Variants in CNTNAP3B observed in about 807,000 individuals in gnomAD.
CNTNAP3B encodes the protein contactin associated protein family member 3B, also known as contactin-associated protein-like 3B.
A neutral mutation model predicts 108.9 loss-of-function variants in CNTNAP3B; 25 were observed. The observed-to-expected ratio is 0.23, with a 90% CI of 0.17 to 0.32. CNTNAP3B has a LOEUF of 0.32. Ranked by LOEUF, CNTNAP3B falls within the 10% of genes least tolerant of loss-of-function variation. The pLI, the probability that CNTNAP3B is intolerant of heterozygous loss-of-function variation, is 1.00. For synonymous variants in CNTNAP3B, 103 were observed against 473.4 expected (o/e 0.22, Z 10.16); for missense variants, 252 against 1,210.4 (o/e 0.21, Z 11.75).
At chr9:41,951,950 G>A (rs1441793516) in intron 13 of CNTNAP3B, among the ~76,000 whole-genome samples, 3 of 152,246 alleles carry the variant, frequency 2.0e-5, no homozygotes, top group African/African-American at 7.2e-5. Context: ...GGCGGCACCC[G>A]CCTGTATTCT....
chr9:42,020,417 C>T (rs1264519503), intron 3 of CNTNAP3B, among the ~76,000 whole-genome samples: 3 of 151,394 alleles, frequency 2.0e-5, no homozygotes, highest in Non-Finnish European at 2.9e-5. Flanking sequence ...TGTCATTTGA[C>T]TTGGATCTGG....
At chr9:42,058,195 G>T (rs1827113358) in intron 3 of CNTNAP3B, among the ~76,000 whole-genome samples, 1 of 150,626 alleles carries the variant, frequency 6.6e-6, no homozygotes, top group African/African-American at 2.5e-5. Context: ...ATATCTAAAA[G>T]ACATACTGAT....
intron 15 of CNTNAP3B, among the ~76,000 whole-genome samples, chr9:41,926,931 C>T (rs1185131181): frequency 6.6e-6 from 1 of 152,306 alleles, no homozygotes; most frequent in Admixed American, 6.5e-5. Context: ...ACCTAGAAAC[C>T]AGTGTTTGAT....
intron 13 of CNTNAP3B, among the ~76,000 whole-genome samples, chr9:41,948,387 T>C (rs973448322): frequency 6.6e-6 from 1 of 152,216 alleles, no homozygotes; most frequent in African/African-American, 2.4e-5. Flanking sequence ...CTGCCGGGCC[T>C]TACTGGAGAA....
chr9:41,945,664 T>C (rs1244072450), intron 13 of CNTNAP3B, among the ~76,000 whole-genome samples: 1 of 152,300 alleles, frequency 6.6e-6, no homozygotes, highest in Non-Finnish European at 1.5e-5. Context: ...ATAGCTAATG[T>C]AAATGATGAG....
rs1313400081 is a variant in CNTNAP3B at position 42,110,522 on chromosome 9, T to G, written c.86-5783A>C. 2.6e-5 allele frequency among the ~76,000 whole-genome samples: 3 copies of G among 117,102 alleles called. 1 individual carries two copies. The highest frequency in any genetic ancestry group is 1.0e-4 in the African/African-American group (3 of 29,614). The allele number at this position is 117,102 out of a possible 152,430, so 76.8% of individuals were successfully genotyped here. A position where few individuals can be genotyped will look rare whatever the true frequency, so the allele number is the denominator to read the frequency against. On this transcript the variant is annotated intron_variant, in intron 1 of 23. Transcript: ENST00000377561. ...TGTTATCACAGATGTACAGAAAACC[T>G]CTTTGTTCTAAAAAAAAAAAAAAGA...
At position 41,924,998 on chromosome 9, in the gene CNTNAP3B, C is replaced by G. The variant is rs1256061622; in HGVS notation, c.2366-905G>C. On this transcript the variant is annotated intron_variant, in intron 15 of 23. Coordinates refer to ENST00000377561, the MANE Select transcript of CNTNAP3B (RefSeq NM_001201380.3). ...GGCTGCTGTGTTCTCCTCAGTGTGT[C>G]GCAGCAGCAGGCAGCAATGCTGATA... is the stretch of plus-strand genomic sequence containing the variant. Among the ~76,000 whole-genome samples the G allele has an allele frequency of 2.0e-5, 3 of 151,660 alleles. No homozygotes were observed. The South Asian group carries it at 6.2e-4, about 32-fold the overall frequency.
intron 10 of CNTNAP3B, among the ~76,000 whole-genome samples, chr9:41,967,820 G>A (rs1162348688): frequency 2.6e-5 from 4 of 152,266 alleles, no homozygotes; most frequent in Admixed American, 6.5e-5. Context: ...GCCTTTATTT[G>A]TAGCCCTATT....
intron 3 of CNTNAP3B, among the ~76,000 whole-genome samples, chr9:42,051,940 C>T (rs1224911772): frequency 6.6e-6 from 1 of 151,956 alleles, no homozygotes; most frequent in Non-Finnish European, 1.5e-5. Context: ...ACTCTTTCAA[C>T]TGCGTAATTT....
intron 13 of CNTNAP3B, among the ~76,000 whole-genome samples, 158 bp from the exon 14 acceptor site, chr9:41,938,558 G>A (rs552303633): frequency 6.1e-4 from 93 of 152,330 alleles, no homozygotes; most frequent in African/African-American, 1.4e-3. Flanking sequence ...CCTCTGAAAC[G>A]TTTCTTTAAG....
At chr9:42,030,813 GGAGAGAGAGAGA>G (rs71274672) in intron 3 of CNTNAP3B, among the ~76,000 whole-genome samples, 15 of 65,762 alleles carry the variant, frequency 2.3e-4, no homozygotes, top group Non-Finnish European at 3.5e-4. Context: ...GAGAGAGAGA[GGAGAGAGAGAGA>G]GAGAGAGAGA....
intron 3 of CNTNAP3B, among the ~76,000 whole-genome samples, chr9:42,035,768 C>T (rs1191984194): frequency 6.6e-6 from 1 of 150,712 alleles, no homozygotes; most frequent in Non-Finnish European, 1.5e-5. Flanking sequence ...AGCTATCCTC[C>T]CGCATTAGCC....
chr9:41,969,879 C>T (rs1486077213), intron 10 of CNTNAP3B, among the ~76,000 whole-genome samples, 195 bp downstream of exon 10: 8 of 144,414 alleles, frequency 5.5e-5, no homozygotes, highest in East Asian at 4.1e-4. Context: ...CAGCCTCAGC[C>T]GCATTACAGG....
intron 13 of CNTNAP3B, among the ~76,000 whole-genome samples, chr9:41,942,006 C>T (rs1824361899): frequency 6.6e-6 from 1 of 152,298 alleles, no homozygotes; most frequent in Non-Finnish European, 1.5e-5. Flanking sequence ...ATTCTAATCC[C>T]CCAAAAAGCT....
intron 1 of CNTNAP3B, among the ~76,000 whole-genome samples, chr9:42,112,592 C>G (rs1450924517): frequency 1.5e-5 from 2 of 137,616 alleles, no homozygotes; most frequent in South Asian, 2.4e-4. Flanking sequence ...CACATAGAAA[C>G]AGGTTTAAAT....
chr9:42,109,707 T>C (rs1363033359), intron 1 of CNTNAP3B, among the ~76,000 whole-genome samples: 1 of 140,674 alleles, frequency 7.1e-6, no homozygotes, highest in Admixed American at 7.0e-5. Flanking sequence ...TAGGACAGGC[T>C]GACAGTGGCT....
intron 1 of CNTNAP3B, among the ~76,000 whole-genome samples, chr9:42,113,131 T>A (rs1828230496): frequency 1.5e-5 from 2 of 135,648 alleles, no homozygotes; most frequent in South Asian, 4.8e-4. Flanking sequence ...AAGAACTATT[T>A]AAACATGTGG....
At chr9:41,929,540 A>T (rs1823914698) in intron 14 of CNTNAP3B, 96 bp from the exon 15 acceptor site, 3 of 1,436,112 alleles carry the variant, frequency 2.1e-6, no homozygotes, top group Non-Finnish European at 2.8e-6. Context: ...CTAACATCAT[A>T]GAGCTTAACA....
chr9:42,042,981 A>T (rs1283586224), intron 3 of CNTNAP3B, among the ~76,000 whole-genome samples: 2 of 149,396 alleles, frequency 1.3e-5, no homozygotes, highest in Admixed American at 6.6e-5. Context: ...ATATTCTCAA[A>T]TTCAAATCAT....
Sources: allele counts gnomAD v4.1 joint callset (sites outside exome capture counted in the v4.1 genomes callset), GRCh38; gene constraint gnomAD v4.1.1; transcripts MANE v1.5; gene names NCBI Gene and HGNC (gene_info 2026-07-23, HGNC 2026-07-21).